Variants in MICAL3 observed in about 807,000 individuals in gnomAD.
MICAL3 encodes microtubule associated monooxygenase, calponin and LIM domain containing 3, also known as [F-actin]-monooxygenase MICAL3.
A neutral mutation model predicts 207.4 loss-of-function variants in MICAL3; 62 were observed. That is an observed-to-expected ratio of 0.30 (90% CI 0.24 to 0.37). MICAL3 has a LOEUF of 0.37. Ranked by LOEUF, MICAL3 falls within the 10% of genes least tolerant of loss-of-function variation. The probability of loss-of-function intolerance (pLI) is 1.00; values close to 1 mark genes in which losing one functional copy is unlikely to be tolerated. For synonymous variants in MICAL3, 1,077 were observed against 1,069.3 expected (o/e 1.01, Z -0.14); for missense variants, 2,368 against 2,635.6 (o/e 0.90, Z 2.22).
chr22:17,950,938 A>C (rs1224500848), intron 1 of MICAL3, among the ~76,000 whole-genome samples: 3 of 152,196 alleles, frequency 2.0e-5, no homozygotes, highest in African/African-American at 7.2e-5. Flanking sequence ...CCACCATCCC[A>C]TAAAGAACAG....
chr22:17,992,976 T>C (rs1163705686), intron 1 of MICAL3, among the ~76,000 whole-genome samples: 5 of 152,202 alleles, frequency 3.3e-5, no homozygotes, highest in African/African-American at 9.6e-5. Flanking sequence ...GACTTTCTTA[T>C]ATAATTGTCC....
At chr22:18,012,861 C>T (rs935387962) in intron 1 of MICAL3, among the ~76,000 whole-genome samples, 2 of 152,246 alleles carry the variant, frequency 1.3e-5, no homozygotes, top group Non-Finnish European at 1.5e-5. Context: ...GGATGTCTGA[C>T]TGCATCAGCT....
chr22:17,955,932 A>C (rs897356080), intron 1 of MICAL3, among the ~76,000 whole-genome samples: 1 of 152,194 alleles, frequency 6.6e-6, no homozygotes, highest in Non-Finnish European at 1.5e-5. Flanking sequence ...GAATCCACAG[A>C]GATTTTAGGA....
chr22:17,834,371 C>T (rs1923133116), intron 20 of MICAL3: 1 of 1,247,980 alleles, frequency 8.0e-7, no homozygotes. Flanking sequence ...ATCTTCCCCT[C>T]ACAACGCACT....
At chr22:17,851,249 A>C (rs1925299051) in intron 19 of MICAL3, among the ~76,000 whole-genome samples, 1 of 152,226 alleles carries the variant, frequency 6.6e-6, no homozygotes, top group Admixed American at 6.5e-5. Flanking sequence ...CAATAGTTGC[A>C]GGGCTGATCT....
chr22:17,879,841 G>C (rs1929254938), intron 16 of MICAL3, among the ~76,000 whole-genome samples: 1 of 152,222 alleles, frequency 6.6e-6, no homozygotes, highest in African/African-American at 2.4e-5. Context: ...CAGTCCAGAG[G>C]AAACTCCAGA....
intron 16 of MICAL3, chr22:17,875,541 G>A (rs990394859): frequency 2.6e-6 from 4 of 1,551,204 alleles, no homozygotes; most frequent in Non-Finnish European, 3.5e-6. Context: ...TCGACGAGGA[G>A]GTTCAGGCTC....
At chr22:17,945,443 C>T (rs1230474243) in intron 1 of MICAL3, among the ~76,000 whole-genome samples, 6 of 152,150 alleles carry the variant, frequency 3.9e-5, no homozygotes, top group Non-Finnish European at 1.5e-5. Flanking sequence ...CTGCACAGGC[C>T]CTGTGGGAGT....
chr22:17,991,656 A>G (rs1356931226), intron 1 of MICAL3, among the ~76,000 whole-genome samples: 1 of 152,200 alleles, frequency 6.6e-6, no homozygotes, highest in Admixed American at 6.5e-5. Flanking sequence ...ACTCATTTAT[A>G]GAAGACATAA....
intron 1 of MICAL3, among the ~76,000 whole-genome samples, chr22:18,017,088 A>G (rs1027503862): frequency 1.3e-5 from 2 of 152,248 alleles, no homozygotes; most frequent in Non-Finnish European, 2.9e-5. Flanking sequence ...ACACTCAGGA[A>G]AAAAGCCGTA....
rs182962321 is a variant in MICAL3 at position 17,851,242 on chromosome 22, T to C, written c.2606-9225A>G. On this transcript the variant is annotated intron_variant, in intron 19 of 31. Transcript: ENST00000441493. ...CATAACAAGTAATCTGTCAAGTCAA[T>C]AGTTGCAGGGCTGATCTCTCAAATC... Among the ~76,000 whole-genome samples the C allele has an allele frequency of 2.3e-3, 348 of 152,266 alleles. 2 individuals carry two copies. Among genetic ancestry groups the C allele is most frequent in the African/African-American group, 7.9e-3 (329 of 41,544 alleles).
At position 17,906,675 on chromosome 22, in the gene MICAL3, G is replaced by A; in HGVS notation, c.138C>T (p.Tyr46=). 1 of 1,613,994 alleles carries A rather than the reference G, an allele frequency of 6.2e-7. No homozygotes were observed. Among genetic ancestry groups the A allele is most frequent in the Non-Finnish European group, 8.5e-7 (1 of 1,179,868 alleles). Residue 46 remains tyrosine (Y), a synonymous_variant, in exon 2 of 32, where the codon TAC becomes TAT. Coordinates refer to ENST00000441493, the MANE Select transcript of MICAL3 (RefSeq NM_015241.3). ...ACTTGAGCTTGTGATAGAAGGAGCG[G>A]TAGTCCTTTGGCTTTAGTTCCAGGT... ...CDHLELKPKD[Y]RSFYHKLKSK... is the part of the protein sequence containing the mutation.
In MICAL3 at chr22:17,832,001, G is replaced by A; in HGVS notation, c.2908C>T (p.His970Tyr). 1 of 1,605,942 alleles carries A rather than the reference G, an allele frequency of 6.2e-7. No individual in the cohort carries two copies. Among genetic ancestry groups the A allele is most frequent in the Non-Finnish European group, 8.5e-7 (1 of 1,176,420 alleles). The change falls in exon 21 of 32, where the codon CAT becomes TAT. Residue 970 changes from histidine (H) to tyrosine (Y), a missense_variant. His to Tyr is a moderately conservative substitution (Grantham distance 83, BLOSUM62 2). This residue lies in a region of MICAL3 where 1,770 missense variants were observed against 1,863.2 expected (regional missense o/e 0.95). Coordinates refer to ENST00000441493, the MANE Select transcript of MICAL3 (RefSeq NM_015241.3). The part of the protein sequence containing the change: ...GVPWKEAVRI[H>Y]ALLKGKSEEE... ...TCACTTTTCCCTTTCAGAAGGGCAT[G>A]GATCCGCACGGCCTCCTTCCACGGA...
rs433415 is a variant in MICAL3, at chr22:17,796,617, G to A, written c.5651-5316C>T. 0.025 allele frequency among the ~76,000 whole-genome samples: 3,744 copies of A among 152,322 alleles called. 65 individuals carry two copies. The highest frequency in any genetic ancestry group is 0.041 in the Non-Finnish European group (2,769 of 68,018). On this transcript the variant is annotated intron_variant, in intron 29 of 31. Transcript: ENST00000441493. The surrounding 1 kb of genome is among the most constrained non-coding windows in gnomAD (Gnocchi z 4.4). Reference sequence around the variant, plus strand: ...CCAGGCAAATGTAACAAATGCTGGCGTCTCAGGCAGCTCAAGGAAGAGCAG... The same window carrying A: ...CCAGGCAAATGTAACAAATGCTGGCATCTCAGGCAGCTCAAGGAAGAGCAG...
At chr22:17,970,439 T>TCCTTGAGTGAGCGGC (rs1935357175) in intron 1 of MICAL3, among the ~76,000 whole-genome samples, 1 of 152,218 alleles carries the variant, frequency 6.6e-6, no homozygotes, top group African/African-American at 2.4e-5. Context: ...GGCCCACTGG[T>TCCTTGAGTGAGCGGC]TGGAGGCCCC....
Position 17,796,102 on chromosome 22 carries a change from G to A in MICAL3, c.5651-4801C>T, listed in dbSNP as rs921388672. 1.3e-5 allele frequency among the ~76,000 whole-genome samples: 2 copies of A among 152,212 alleles called. No homozygotes were observed. The highest frequency in any genetic ancestry group is 1.9e-4 in the East Asian group (1 of 5,180). ...TTACCACTTCTCAAAGCACTCCTGC[G>A]TGCCCTGGGCGCTGGCCACCCCTCC... On this transcript the variant is annotated intron_variant, in intron 29 of 31. Coordinates refer to ENST00000441493, the MANE Select transcript of MICAL3 (RefSeq NM_015241.3). The surrounding 1 kb of genome is among the most constrained non-coding windows in gnomAD (Gnocchi z 4.4).
intron 7 of MICAL3, 112 bp downstream of exon 7, chr22:17,899,336 A>G: frequency 1.3e-6 from 1 of 755,524 alleles, no homozygotes; most frequent in East Asian, 2.7e-5. Flanking sequence ...CAGAAGATGC[A>G]TTCAGTGCTC....
intron 29 of MICAL3, among the ~76,000 whole-genome samples, chr22:17,806,156 C>G (rs1010707706): frequency 3.9e-5 from 6 of 152,214 alleles, no homozygotes; most frequent in African/African-American, 1.4e-4. Context: ...GTGTAAGTGG[C>G]TGAACTCCCT....
At chr22:18,001,080 C>A (rs982086479) in intron 1 of MICAL3, 1 of 152,268 alleles carries the variant, frequency 6.6e-6, no homozygotes, top group Non-Finnish European at 1.5e-5. Context: ...TCAGGACCAG[C>A]CGGCGCACCT....
Sources: allele counts gnomAD v4.1 joint callset (sites outside exome capture counted in the v4.1 genomes callset), GRCh38; gene constraint gnomAD v4.1.1; regional missense constraint gnomAD v4.1.1; non-coding constraint Gnocchi (gnomAD v3.1); transcripts MANE v1.5; gene names NCBI Gene and HGNC (gene_info 2026-07-23, HGNC 2026-07-21).